MGAT4D: variants seen among roughly 807,000 people sequenced by gnomAD.
MGAT4D encodes the protein MGAT4 family member D, also known as alpha-1,3-mannosyl-glycoprotein 4-beta-N-acetylglucosaminyltransferase-like protein MGAT4D.
MGAT4D carries 34 observed loss-of-function variants against 15.9 expected under a neutral mutation model. That is an observed-to-expected ratio of 2.14 (90% CI 1.62 to 2.84). The LOEUF is 2.84. Among genes scored for constraint, MGAT4D ranks in the 30% most tolerant of loss-of-function variants. MGAT4D has a pLI of 0.00. For missense variants in MGAT4D, 327 were observed against 140.2 expected (o/e 2.33, Z -6.73); for synonymous variants, 112 against 48.2 (o/e 2.33, Z -5.49).
intron 9 of MGAT4D, among the ~76,000 whole-genome samples, chr4:140,454,280 T>A (rs1730657539): frequency 6.6e-6 from 1 of 152,192 alleles, no homozygotes; most frequent in Non-Finnish European, 1.5e-5. Flanking sequence ...GAGACATTTC[T>A]TTCTATTCCT....
rs189546337 is a variant in MGAT4D at position 140,482,384 on chromosome 4, C to T, written c.196G>A (p.Val66Ile). Residue 66 changes from valine (V) to isoleucine (I), a missense_variant, in exon 2 of 11, where the codon GTT becomes ATT. By Grantham distance (29) the Val-to-Ile change is conservative. Coordinates refer to ENST00000511113, the MANE Select transcript of MGAT4D (RefSeq NM_001277353.2). Reference protein sequence around the residue: ...TEKNTQEMMKVLNRMKYEITK... With the variant: ...TEKNTQEMMKILNRMKYEITK... ...ATTTCATACTTCATTCGATTCAAAA[C>T]TTTCATCATCTCTTGGGTATTTTTT... 4.2e-5 allele frequency: 27 copies of T among 648,342 alleles called. No individual in the cohort carries two copies. The highest frequency in any genetic ancestry group is 4.8e-4 in the Middle Eastern group (2 of 4,188). The allele number at this position is 648,342 out of a possible 1,614,324, so 40.2% of individuals were successfully genotyped here.
At chr4:140,460,564 C>T (rs368372435) in intron 7 of MGAT4D, among the ~76,000 whole-genome samples, 196 of 152,234 alleles carry the variant, frequency 1.3e-3, no homozygotes, top group African/African-American at 3.8e-3. Flanking sequence ...GGCCAGGAGC[C>T]GTGGCTCACG....
intron 1 of MGAT4D, among the ~76,000 whole-genome samples, chr4:140,491,971 C>T (rs1183214719): frequency 1.3e-5 from 2 of 152,094 alleles, no homozygotes; most frequent in Non-Finnish European, 2.9e-5. Flanking sequence ...GCACTTTGAC[C>T]TTCCCAGTCA....
In MGAT4D at chr4:140,471,735, A is replaced by G. The variant is rs536638955; in HGVS notation, c.572+40T>C. 3.1e-5 allele frequency: 13 copies of G among 421,516 alleles called. No individual in the cohort carries two copies. In the East Asian group the frequency reaches 4.4e-4, roughly 14 times the overall value. 26.1% of individuals were successfully genotyped at this position (421,516 alleles called of 1,614,324 possible). ...ACAGAAAAAATAAGATAGAAAAATG[A>G]AAGAATGGCTAATGTAAAAATATAT... On this transcript the variant is annotated intron_variant, in intron 5 of 10. Transcript: ENST00000511113.
At chr4:140,490,001 A>G (rs1263769197) in intron 1 of MGAT4D, among the ~76,000 whole-genome samples, 1 of 152,216 alleles carries the variant, frequency 6.6e-6, no homozygotes, top group Non-Finnish European at 1.5e-5. Context: ...GGAAAGGCAT[A>G]TGTTTCATAA....
chr4:140,455,637 G>T (rs1245279041), intron 9 of MGAT4D, among the ~76,000 whole-genome samples: 6 of 152,132 alleles, frequency 3.9e-5, no homozygotes, highest in Admixed American at 3.9e-4. Flanking sequence ...TATCAGTTCT[G>T]TTGATCACTG....
Position 140,498,118 on chromosome 4 carries a change from C to T in MGAT4D, c.94+11G>A, listed in dbSNP as rs779371177. The T allele has an allele frequency of 2.9e-6, 2 of 696,986 alleles. No individual in the cohort carries two copies. Among genetic ancestry groups the T allele is most frequent in the African/African-American group, 3.5e-5 (2 of 56,564 alleles). 43.2% of individuals were successfully genotyped at this position (696,986 alleles called of 1,614,324 possible). A position where few individuals can be genotyped will look rare whatever the true frequency, so the allele number is the denominator to read the frequency against. On this transcript the variant is annotated intron_variant, in intron 1 of 10. Coordinates refer to ENST00000511113, the MANE Select transcript of MGAT4D (RefSeq NM_001277353.2). ...GCGGGAAAGGAGGCGGGAGGAGGGC[C>T]CGCCGCTTACTGGTTTGAGTTATCC...
chr4:140,474,683 G>T, intron 4 of MGAT4D, 130 bp downstream of exon 4: 2 of 421,104 alleles, frequency 4.7e-6, no homozygotes, highest in South Asian at 1.7e-4. Flanking sequence ...TCCAAAAAAG[G>T]CATCTATGGG....
chr4:140,482,194 AT>A (rs1019150880), intron 2 of MGAT4D, 132 bp downstream of exon 2: 10 of 473,020 alleles, frequency 2.1e-5, no homozygotes, highest in Non-Finnish European at 3.7e-5. Context: ...CTCTTACCTG[AT>A]TTTTGCACGT....
intron 10 of MGAT4D, among the ~76,000 whole-genome samples, chr4:140,450,597 A>T (rs930399716): frequency 1.3e-5 from 2 of 152,246 alleles, no homozygotes; most frequent in Non-Finnish European, 2.9e-5. Context: ...ATTACAATAC[A>T]CAAAGTAGAA....
intron 10 of MGAT4D, among the ~76,000 whole-genome samples, chr4:140,449,423 T>C (rs2126672802): frequency 6.6e-6 from 1 of 152,294 alleles, no homozygotes; most frequent in Non-Finnish European, 1.5e-5. Context: ...TAAAATTATT[T>C]TTCTGCTTAA....
chr4:140,478,784 A>T lies in MGAT4D; in HGVS notation c.391+706T>A, dbSNP rs186829089. On this transcript the variant is annotated intron_variant, in intron 3 of 10. Coordinates refer to ENST00000511113, the MANE Select transcript of MGAT4D (RefSeq NM_001277353.2). ...CAAACTTTTTTTTTTTTTTTAAATA[A>T]AGGGGCAGATAGTAAGCATTTTTGG... Among the ~76,000 whole-genome samples the T allele has an allele frequency of 1.7e-3, 255 of 152,128 alleles. 1 individual carries two copies. Among genetic ancestry groups the T allele is most frequent in the Admixed American group, 9.1e-3 (139 of 15,276 alleles).
chr4:140,462,426 T>C (rs1731251987), intron 6 of MGAT4D: 1 of 155,946 alleles, frequency 6.4e-6, no homozygotes, highest in African/African-American at 2.4e-5. Flanking sequence ...TAGGGTTAAC[T>C]ATCTGCTACA....
At chr4:140,461,664 T>A (rs1372711563) in intron 7 of MGAT4D, among the ~76,000 whole-genome samples, 1 of 152,154 alleles carries the variant, frequency 6.6e-6, no homozygotes, top group Non-Finnish European at 1.5e-5. Context: ...TTGCTTCAGG[T>A]AACTATAATT....
At chr4:140,485,850 C>CAAAAAAAAAAAAAAAAA (rs1578712314) in intron 1 of MGAT4D, among the ~76,000 whole-genome samples, 10 of 41,936 alleles carry the variant, frequency 2.4e-4, no homozygotes, top group South Asian at 1.7e-3. Flanking sequence ...AAAAAAAAAG[C>CAAAAAAAAAAAAAAAAA]AATGATGATA....
intron 1 of MGAT4D, among the ~76,000 whole-genome samples, chr4:140,489,490 C>A (rs1206138092): frequency 1.3e-5 from 2 of 152,132 alleles, no homozygotes; most frequent in Non-Finnish European, 2.9e-5. Context: ...TTCCCAGATC[C>A]AATTCCCCTT....
At chr4:140,488,558 AG>A (rs1733293042) in intron 1 of MGAT4D, among the ~76,000 whole-genome samples, 1 of 152,234 alleles carries the variant, frequency 6.6e-6, no homozygotes, top group Non-Finnish European at 1.5e-5. Flanking sequence ...GGAGAGGTGG[AG>A]AAGGTTTCAG....
At chr4:140,475,132 G>GA (rs1732229109) in intron 3 of MGAT4D, among the ~76,000 whole-genome samples, 186 bp from the exon 4 acceptor site, 1 of 152,054 alleles carries the variant, frequency 6.6e-6, no homozygotes, top group Admixed American at 6.6e-5. Flanking sequence ...TCTTTTTGAG[G>GA]AAATTTGCAG....
chr4:140,454,602 T>C (rs1426578690), intron 9 of MGAT4D, among the ~76,000 whole-genome samples: 4 of 152,182 alleles, frequency 2.6e-5, no homozygotes, highest in African/African-American at 7.2e-5. Flanking sequence ...GTCATGATAA[T>C]GCCAGCTTCA....
Sources: gnomAD v4.1 joint callset for allele counts (sites outside exome capture counted in the v4.1 genomes callset) on GRCh38, gnomAD v4.1.1 for gene constraint, MANE v1.5 for transcripts, NCBI Gene and HGNC (gene_info 2026-07-23, HGNC 2026-07-21) for gene names.